The following GOLGA6L7 variants were observed in gnomAD, a reference collection of about 807,000 sequenced individuals.
GOLGA6L7 encodes the protein golgin A6 family like 7.
GOLGA6L7 carries 29 observed loss-of-function variants against 68.9 expected under a neutral mutation model. The ratio of observed to expected loss-of-function variants is 0.42; its 90% CI spans 0.31 to 0.57. The LOEUF (loss-of-function observed/expected upper bound fraction) is 0.57. GOLGA6L7 is among the 20% of genes least tolerant of loss of function. GOLGA6L7 has a pLI of 0.13. For missense variants in GOLGA6L7, 396 were observed against 588.4 expected, an observed-to-expected ratio of 0.67 and a Z score of 3.38; for synonymous variants, 133 against 197.4, an observed-to-expected ratio of 0.67 and a Z score of 2.73.
At chr15:28,844,427 TTTC>T (rs1413771831) in intron 6 of GOLGA6L7, among the ~76,000 whole-genome samples, 164 bp from the exon 7 acceptor site, 1 of 139,498 alleles carries the variant, frequency 7.2e-6, no homozygotes, top group Non-Finnish European at 1.5e-5. Flanking sequence ...TTGTTTTTCT[TTTC>T]TTTTTTTTTT....
intron 1 of GOLGA6L7, among the ~76,000 whole-genome samples, chr15:28,848,197 C>T (rs965092840): frequency 2.9e-4 from 44 of 152,064 alleles, no homozygotes; most frequent in African/African-American, 9.4e-4. Context: ...TCCTTGGGAA[C>T]GTGAGCCCGA....
chr15:28,847,166 A>G lies in GOLGA6L7; in HGVS notation c.78T>C (p.Ser26=). 2 of 1,347,126 alleles carry G rather than the reference A, an allele frequency of 1.5e-6. No individual in the cohort carries two copies. Among genetic ancestry groups the G allele is most frequent in the Non-Finnish European group, 2.1e-6 (2 of 959,758 alleles). The allele number at this position is 1,347,126 out of a possible 1,614,324, so 83.4% of individuals were successfully genotyped here. A position where few individuals can be genotyped will look rare whatever the true frequency, so the allele number is the denominator to read the frequency against. The change falls in exon 2 of 9, where the codon AGT becomes AGC. Residue 26 remains serine (S), a synonymous_variant. Coordinates refer to ENST00000567390, the MANE Select transcript of GOLGA6L7 (RefSeq NM_001365371.2). ...KKFTDYHQWN[S]AGVGTGATDT... is the part of the protein sequence containing the mutation. ...CGGTTGCTCCGGTACCAACACCAGC[A>G]CTGTTCCACTGATGATAGTCTGTAA... is the stretch of plus-strand genomic sequence containing the variant.
intron 6 of GOLGA6L7, 139 bp downstream of exon 6, chr15:28,845,390 A>G (rs2030386130): frequency 1.4e-6 from 1 of 697,438 alleles, no homozygotes; most frequent in Non-Finnish European, 2.6e-6. Context: ...TGCCTCTAAC[A>G]ACCACGCACA....
chr15:28,845,268 G>C, intron 6 of GOLGA6L7: 1 of 585,606 alleles, frequency 1.7e-6, no homozygotes, highest in South Asian at 1.8e-5. Context: ...ATTTGACCAA[G>C]GCCACAGCCA....
At position 28,842,401 on chromosome 15, in the gene GOLGA6L7, G is replaced by T; in HGVS notation, c.1703C>A (p.Ala568Glu). 8.3e-7 allele frequency: 1 copy of T among 1,210,022 alleles called. No individual in the cohort carries two copies. The highest frequency in any genetic ancestry group is 1.0e-6 in the Non-Finnish European group (1 of 963,454). The allele number at this position is 1,210,022 out of a possible 1,614,324, so 75.0% of individuals were successfully genotyped here. Residue 568 changes from alanine to glutamate, a missense_variant, in exon 9 of 9, where the codon GCA becomes GAA. Ala to Glu is a moderately radical substitution (Grantham distance 107). Around this residue, in one of 5 missense-constraint regions of GOLGA6L7, gnomAD observed 125 missense variants for 163.3 expected, o/e 0.77. Coordinates refer to ENST00000567390, the MANE Select transcript of GOLGA6L7 (RefSeq NM_001365371.2). ...DMSHPGSLEPAREAGKGYSHD... is the reference protein window; with the variant it reads ...DMSHPGSLEPEREAGKGYSHD... Reference sequence around the variant, plus strand: ...GGAATAACCCTTCCCGGCCTCTCGTGCAGGCTCCAGGCTGCCAGGGTGGCT... The same window carrying T: ...GGAATAACCCTTCCCGGCCTCTCGTTCAGGCTCCAGGCTGCCAGGGTGGCT...
intron 6 of GOLGA6L7, among the ~76,000 whole-genome samples, chr15:28,844,791 A>T (rs866286906): frequency 0.017 from 2,472 of 149,008 alleles, 71 homozygotes; most frequent in African/African-American, 0.054. Flanking sequence ...CCTCACAGCC[A>T]CCACAGGAGA....
Position 28,846,161 on chromosome 15 carries a change from A to G in GOLGA6L7, c.210+59T>C, listed in dbSNP as rs1272839375. On this transcript the variant is annotated intron_variant, in intron 3 of 8. Transcript: ENST00000567390. The stretch of plus-strand genomic sequence containing the variant: ...GGCGAGACGAGACTGGGGCCTCTAC[A>G]TCTGAGTGCCCCCCAAACCCAGCGG... 4.2e-6 allele frequency: 3 copies of G among 719,200 alleles called. No homozygotes were observed. In the African/African-American group the frequency reaches 5.2e-5, roughly 12 times the overall value. 44.6% of individuals were successfully genotyped at this position (719,200 alleles called of 1,614,324 possible). A position where few individuals can be genotyped will look rare whatever the true frequency, so the allele number is the denominator to read the frequency against.
At position 28,842,662 on chromosome 15, in the gene GOLGA6L7, T is replaced by C. The variant is rs2030234853; in HGVS notation, c.1442A>G (p.Gln481Arg). The C allele has an allele frequency of 7.6e-7, 1 of 1,307,416 alleles. No homozygotes were observed. Among genetic ancestry groups the C allele is most frequent in the African/African-American group, 1.5e-5 (1 of 65,222 alleles). The allele number at this position is 1,307,416 out of a possible 1,614,324, so 81.0% of individuals were successfully genotyped here. ...MRKQEEQMGE[Q>R]EEQMGEQEEQ... is the part of the protein sequence containing the mutation. The stretch of plus-strand genomic sequence containing the variant: ...CTCCTGCTCCCCCATCTGCTCCTCC[T>C]GCTCCCCCATCTGCTCCTCCTGCTT... The change falls in exon 9 of 9, where the codon CAG becomes CGG. Residue 481 changes from glutamine to arginine, a missense_variant. Transcript: ENST00000567390.
intron 6 of GOLGA6L7, 134 bp downstream of exon 6, chr15:28,845,395 C>T (rs534782419): frequency 5.0e-5 from 35 of 697,962 alleles, no homozygotes; most frequent in African/African-American, 1.4e-4. Flanking sequence ...CTAACAACCA[C>T]GCACAAAAGC....
At chr15:28,846,957 A>T in intron 2 of GOLGA6L7, 107 bp downstream of exon 2, 1 of 613,418 alleles carries the variant, frequency 1.6e-6, no homozygotes, top group Non-Finnish European at 2.7e-6. Context: ...TCAAACCCAG[A>T]ATTCTTAGCC....
chr15:28,845,375 C>T (rs1303236579), intron 6 of GOLGA6L7, 154 bp downstream of exon 6: 2 of 695,098 alleles, frequency 2.9e-6, no homozygotes, highest in African/African-American at 3.5e-5. Flanking sequence ...GACTCAGCCC[C>T]AACCTGCCTC....
Position 28,845,828 on chromosome 15 carries a change from A to G in GOLGA6L7, c.262-17T>C. ...ATCCTGGGCCTTTGGGAGACAAGAA[A>G]AGCAAGTGCTGAAAGAGAAGCAAAG... On this transcript the variant is annotated splice_polypyrimidine_tract_variant and intron_variant, in intron 4 of 8. Coordinates refer to ENST00000567390, the MANE Select transcript of GOLGA6L7 (RefSeq NM_001365371.2). 1 of 947,328 alleles carries G rather than the reference A, an allele frequency of 1.1e-6. No homozygotes were observed. Among genetic ancestry groups the G allele is most frequent in the East Asian group, 2.4e-5 (1 of 40,884 alleles). 58.7% of individuals were successfully genotyped at this position (947,328 alleles called of 1,614,324 possible).
At position 28,842,226 on chromosome 15, in the gene GOLGA6L7, C is replaced by T; in HGVS notation, c.*9G>A. The T allele has an allele frequency of 8.1e-7, 1 of 1,227,882 alleles. No individual in the cohort carries two copies. The highest frequency in any genetic ancestry group is 1.0e-6 in the Non-Finnish European group (1 of 983,996). 76.1% of individuals were successfully genotyped at this position (1,227,882 alleles called of 1,614,324 possible). On this transcript the variant is annotated 3_prime_UTR_variant, in exon 9 of 9. Coordinates refer to ENST00000567390, the MANE Select transcript of GOLGA6L7 (RefSeq NM_001365371.2). ...CTTACACTTCTGTAGGCCTTGTTGA[C>T]CGTTCTTTTTAGATACTGATGATCT... is the stretch of plus-strand genomic sequence containing the variant.
chr15:28,847,238 T>A (rs757515441), intron 1 of GOLGA6L7, 46 bp from the exon 2 acceptor site: 1 of 1,155,520 alleles, frequency 8.7e-7, no homozygotes, highest in Non-Finnish European at 1.2e-6. Flanking sequence ...TACAAGCTCC[T>A]ACAGTCACTT....
At position 28,845,393 on chromosome 15, in the gene GOLGA6L7, C is replaced by T. The variant is rs572152930; in HGVS notation, c.462+136G>A. The T allele has an allele frequency of 5.4e-5, 38 of 697,874 alleles. No individual in the cohort carries two copies. The African/African-American group carries it at 5.9e-4, about 11-fold the overall frequency. The allele number at this position is 697,874 out of a possible 1,614,324, so 43.2% of individuals were successfully genotyped here. ...TCAGCCCCAACCTGCCTCTAACAAC[C>T]ACGCACAAAAGCAGCAAGAAATGGC... On this transcript the variant is annotated intron_variant, in intron 6 of 8. Transcript: ENST00000567390.
At chr15:28,846,565 T>G (rs914303773) in intron 2 of GOLGA6L7, among the ~76,000 whole-genome samples, 1 of 152,018 alleles carries the variant, frequency 6.6e-6, no homozygotes, top group Non-Finnish European at 1.5e-5. Context: ...ATGTGTTCAT[T>G]CAACAAGCAT....
chr15:28,844,115 C>G (rs1380848147), intron 7 of GOLGA6L7, 90 bp downstream of exon 7: 12 of 523,600 alleles, frequency 2.3e-5, no homozygotes, highest in Non-Finnish European at 1.3e-5. Flanking sequence ...TGTATGACCC[C>G]CTACCATGCT....
At chr15:28,847,717 GCC>G (rs1471394883) in intron 1 of GOLGA6L7, among the ~76,000 whole-genome samples, 2 of 152,246 alleles carry the variant, frequency 1.3e-5, no homozygotes, top group Admixed American at 6.5e-5. Context: ...TCAGAAAGAT[GCC>G]CCATATGTAT....
At position 28,845,576 on chromosome 15, in the gene GOLGA6L7, G is replaced by A. The variant is rs577799285; in HGVS notation, c.415C>T (p.Gln139Ter). The A allele has an allele frequency of 1.3e-6, 1 of 775,600 alleles. No homozygotes were observed. Among genetic ancestry groups the A allele is most frequent in the Admixed American group, 2.0e-5 (1 of 50,280 alleles). The allele number at this position is 775,600 out of a possible 1,614,324, so 48.0% of individuals were successfully genotyped here. ...HHSWHFAGEL[Q>*]RALSAMSAEH... ...GCGGACATAGCAGAGAGAGCCCGCT[G>A]TAACTCTCCTGCAAAGTGCCAGGAA... The change falls in exon 6 of 9, where the codon CAG becomes TAG. Residue 139 changes from glutamine (Q) to a stop codon, truncating the protein, a stop_gained. Coordinates refer to ENST00000567390, the MANE Select transcript of GOLGA6L7 (RefSeq NM_001365371.2). LOFTEE classifies it high-confidence loss of function.
Sources: allele counts gnomAD v4.1 joint callset (sites outside exome capture counted in the v4.1 genomes callset), GRCh38; gene constraint gnomAD v4.1.1; regional missense constraint gnomAD v4.1.1; transcripts MANE v1.5; gene names NCBI Gene and HGNC (gene_info 2026-07-23, HGNC 2026-07-21).